The following NHEJ1 variants were observed in gnomAD, a reference collection of about 807,000 sequenced individuals.
NHEJ1 encodes the protein non-homologous end joining factor 1, also known as non-homologous end-joining factor 1.
Under a neutral mutation model 39.4 loss-of-function variants are expected in NHEJ1, and 22 were observed. The observed-to-expected ratio is 0.56, with a 90% CI of 0.40 to 0.80. The LOEUF is 0.80. Ranked by LOEUF, NHEJ1 falls within the 30% of genes least tolerant of loss-of-function variation. NHEJ1 has a pLI of 0.00. For synonymous variants in NHEJ1, 154 were observed against 135.6 expected (o/e 1.14, Z -0.94); for missense variants, 329 against 357.1 (o/e 0.92, Z 0.63).
chr2:219,137,057 T>A (rs1015350229), intron 5 of NHEJ1, among the ~76,000 whole-genome samples: 2 of 151,080 alleles, frequency 1.3e-5, no homozygotes, highest in Non-Finnish European at 2.9e-5. Context: ...AGAGGTCTTT[T>A]TAGCTCTTCT....
At chr2:219,082,392 C>G (rs1949075317) in intron 5 of NHEJ1, among the ~76,000 whole-genome samples, 1 of 152,188 alleles carries the variant, frequency 6.6e-6, no homozygotes, top group Non-Finnish European at 1.5e-5. Flanking sequence ...TTCATGGGGT[C>G]TAAACTCACT....
rs1018823357 is a variant in NHEJ1, at chr2:219,154,166, T to C, written c.390+3306A>G. Among the ~76,000 whole-genome samples the C allele has an allele frequency of 2.6e-5, 4 of 152,318 alleles. No individual in the cohort carries two copies. The South Asian group carries it at 8.3e-4, about 32-fold the overall frequency. On this transcript the variant is annotated intron_variant, in intron 3 of 7. Coordinates refer to ENST00000356853, the MANE Select transcript of NHEJ1 (RefSeq NM_024782.3). ...TGATATGAATAATCTCTAAGTTCTTTTTTTTAAGGCTCATCAAGTGAAGCA... is the reference window on the plus strand; with the variant it reads ...TGATATGAATAATCTCTAAGTTCTTCTTTTTAAGGCTCATCAAGTGAAGCA...
At chr2:219,113,987 C>T (rs1949388427) in intron 5 of NHEJ1, among the ~76,000 whole-genome samples, 1 of 152,148 alleles carries the variant, frequency 6.6e-6, no homozygotes, top group African/African-American at 2.4e-5. Context: ...AAAACCAATG[C>T]CTTAGACAGG....
chr2:219,080,693 A>ATATATGCTAATATATAAGCT (rs1553542339), intron 5 of NHEJ1, among the ~76,000 whole-genome samples: 35 of 92,096 alleles, frequency 3.8e-4, no homozygotes, highest in East Asian at 2.6e-4. Flanking sequence ...ATATATGCTT[A>ATATATGCTAATATATAAGCT]TATATATATA....
intron 5 of NHEJ1, among the ~76,000 whole-genome samples, chr2:219,128,963 A>C (rs559547961): frequency 6.6e-6 from 1 of 152,314 alleles, no homozygotes; most frequent in Non-Finnish European, 1.5e-5. Context: ...GTTTGGTCTA[A>C]AAGCAAAGGC....
chr2:219,080,976 TG>T (rs1949061957), intron 5 of NHEJ1, among the ~76,000 whole-genome samples: 1 of 152,134 alleles, frequency 6.6e-6, no homozygotes, highest in Non-Finnish European at 1.5e-5. Context: ...TTTACTTCCC[TG>T]AACAGCAGAA....
intron 5 of NHEJ1, among the ~76,000 whole-genome samples, chr2:219,120,718 G>A (rs1949463535): frequency 6.6e-6 from 1 of 152,160 alleles, no homozygotes; most frequent in African/African-American, 2.4e-5. Flanking sequence ...GGAAATATGT[G>A]GGGCTCCATC....
intron 3 of NHEJ1, among the ~76,000 whole-genome samples, chr2:219,152,650 T>G (rs1402487346): frequency 6.6e-6 from 1 of 151,888 alleles, no homozygotes; most frequent in Non-Finnish European, 1.5e-5. Context: ...TATTTTTTTG[T>G]AGCTATGGGT....
At chr2:219,090,935 C>T (rs978966236) in intron 5 of NHEJ1, among the ~76,000 whole-genome samples, 20 of 152,202 alleles carry the variant, frequency 1.3e-4, no homozygotes, top group Non-Finnish European at 2.5e-4. Flanking sequence ...TATTCATTTT[C>T]CTCAAGTGAT....
At chr2:219,076,822 G>A (rs1949018410) in intron 7 of NHEJ1, among the ~76,000 whole-genome samples, 1 of 152,178 alleles carries the variant, frequency 6.6e-6, no homozygotes, top group Admixed American at 6.5e-5. Flanking sequence ...TAACAAGCAT[G>A]AGCCACCATG....
chr2:219,154,903 A>G (rs908779478), intron 3 of NHEJ1, among the ~76,000 whole-genome samples: 2 of 147,252 alleles, frequency 1.4e-5, no homozygotes, highest in Non-Finnish European at 3.0e-5. Context: ...ATATTATACC[A>G]TTACATATTA....
Position 219,070,765 on chromosome 2 carries a change from T to C in NHEJ1, c.*5616A>G, listed in dbSNP as rs1948949630. Among the ~76,000 whole-genome samples, 2 of 152,174 alleles carry C rather than the reference T, an allele frequency of 1.3e-5. No individual in the cohort carries two copies. The highest frequency in any genetic ancestry group is 2.9e-5 in the Non-Finnish European group (2 of 68,038). ...TCCCTTTGTCTTGCTATTCTAACTA[T>C]GTAAATTTTCCTGCCAGATTTAATT... On this transcript the variant is annotated 3_prime_UTR_variant, in exon 8 of 8. Transcript: ENST00000356853.
Position 219,070,250 on chromosome 2 carries a change from G to A in NHEJ1, c.*6131C>T, listed in dbSNP as rs1376951996. ...CGCCCAGGGTGGAGTGCAGTGGCAC[G>A]ATCTCAGCTCACTGCAGCCTCTGCC... On this transcript the variant is annotated 3_prime_UTR_variant, in exon 8 of 8. Transcript: ENST00000356853. 6.6e-6 allele frequency among the ~76,000 whole-genome samples: 1 copy of A among 152,060 alleles called. No individual in the cohort carries two copies. Among genetic ancestry groups the A allele is most frequent in the African/African-American group, 2.4e-5 (1 of 41,388 alleles).
At chr2:219,144,453 T>C (rs578126799) in intron 5 of NHEJ1, among the ~76,000 whole-genome samples, 4 of 151,974 alleles carry the variant, frequency 2.6e-5, no homozygotes, top group Non-Finnish European at 5.9e-5. Flanking sequence ...GGTACTATAG[T>C]AGCAGGGAAG....
intron 5 of NHEJ1, among the ~76,000 whole-genome samples, chr2:219,131,179 T>C (rs998882056): frequency 6.6e-6 from 1 of 151,970 alleles, no homozygotes; most frequent in Non-Finnish European, 1.5e-5. Context: ...TGATAAGACA[T>C]GTTGGGGGAG....
intron 5 of NHEJ1, among the ~76,000 whole-genome samples, chr2:219,123,416 A>G (rs903967382): frequency 3.3e-5 from 5 of 152,222 alleles, no homozygotes; most frequent in Non-Finnish European, 7.3e-5. Flanking sequence ...TTCCACCTAC[A>G]GATCCTCAAC....
chr2:219,132,256 T>C (rs1198872754), intron 5 of NHEJ1, among the ~76,000 whole-genome samples: 1 of 152,218 alleles, frequency 6.6e-6, no homozygotes, highest in Non-Finnish European at 1.5e-5. Flanking sequence ...TCTTATCCAT[T>C]TTATATTGAT....
At chr2:219,085,989 C>T (rs2106325127) in intron 5 of NHEJ1, among the ~76,000 whole-genome samples, 1 of 152,250 alleles carries the variant, frequency 6.6e-6, no homozygotes, top group Non-Finnish European at 1.5e-5. Context: ...GTCTGGCTAG[C>T]TCTCTGGACT....
chr2:219,142,262 ATC>A (rs1486321684), intron 5 of NHEJ1, among the ~76,000 whole-genome samples: 2 of 152,256 alleles, frequency 1.3e-5, no homozygotes, highest in African/African-American at 4.8e-5. Context: ...CAAAATCTCC[ATC>A]TCTGCTAAGG....
Sources: allele counts gnomAD v4.1 joint callset (sites outside exome capture counted in the v4.1 genomes callset), GRCh38; gene constraint gnomAD v4.1.1; transcripts MANE v1.5; gene names NCBI Gene and HGNC (gene_info 2026-07-23, HGNC 2026-07-21).